The following TMEM163 variants were observed in gnomAD, a reference collection of about 807,000 sequenced individuals.
TMEM163 encodes the protein transmembrane protein 163.
TMEM163 carries 17 observed loss-of-function variants against 29.3 expected under a neutral mutation model. The observed-to-expected ratio is 0.58, with a 90% CI of 0.40 to 0.87. The LOEUF is 0.87. Ranked by LOEUF, TMEM163 falls within the 40% of genes least tolerant of loss-of-function variation. The pLI is 0.00. For missense variants in TMEM163, 303 were observed against 381.5 expected (o/e 0.79, Z 1.71); for synonymous variants, 157 against 160.6 (o/e 0.98, Z 0.17).
At chr2:134,524,123 C>T (rs1680243344) in intron 4 of TMEM163, among the ~76,000 whole-genome samples, 2 of 152,132 alleles carry the variant, frequency 1.3e-5, no homozygotes, top group African/African-American at 4.8e-5. Context: ...CAGGACCTTC[C>T]CCAGACTTCC....
chr2:134,510,749 G>T lies in TMEM163; in HGVS notation c.459-7752C>A, dbSNP rs191564093. On this transcript the variant is annotated intron_variant, in intron 4 of 7. Coordinates refer to ENST00000281924, the MANE Select transcript of TMEM163 (RefSeq NM_030923.5). ...TCTGTTTGGGGCTTGCCAAGCTTAA[G>T]GAAGGTCTGGACAGTGAGATACACT... 3.1e-4 allele frequency among the ~76,000 whole-genome samples: 47 copies of T among 152,302 alleles called. 1 individual carries two copies. The East Asian group carries it at 8.5e-3, about 28-fold the overall frequency.
At chr2:134,577,560 A>AG (rs999485555) in intron 2 of TMEM163, among the ~76,000 whole-genome samples, 16 of 152,154 alleles carry the variant, frequency 1.1e-4, no homozygotes, top group Non-Finnish European at 2.9e-5. Flanking sequence ...GCTAGTCCAG[A>AG]GGGGCTACAG....
chr2:134,506,813 A>G (rs182945908), intron 4 of TMEM163, among the ~76,000 whole-genome samples: 23 of 152,230 alleles, frequency 1.5e-4, no homozygotes, highest in Middle Eastern at 3.4e-3. Context: ...GGCTTGGGGG[A>G]CCAGAGACGG....
intron 5 of TMEM163, among the ~76,000 whole-genome samples, chr2:134,482,566 T>A (rs568699382): frequency 2.6e-5 from 4 of 152,168 alleles, no homozygotes; most frequent in Non-Finnish European, 5.9e-5. Context: ...GCTGGCTGAA[T>A]AGTAAATGAA....
chr2:134,605,492 G>GT (rs1285441032), intron 2 of TMEM163, among the ~76,000 whole-genome samples: 26 of 152,066 alleles, frequency 1.7e-4, no homozygotes, highest in Admixed American at 1.7e-3. Flanking sequence ...GAGGTCAGGA[G>GT]TTCCACATCA....
intron 5 of TMEM163, among the ~76,000 whole-genome samples, chr2:134,491,063 A>G (rs1217864318): frequency 6.6e-6 from 1 of 152,218 alleles, no homozygotes; most frequent in Non-Finnish European, 1.5e-5. Flanking sequence ...AAAACCTTAC[A>G]GAGAGAAAGA....
At chr2:134,718,468 G>A (rs1451479720) in intron 1 of TMEM163, among the ~76,000 whole-genome samples, 1 of 152,252 alleles carries the variant, frequency 6.6e-6, no homozygotes. Flanking sequence ...TGGAGCTGGC[G>A]GAGAGGAGGG....
intron 5 of TMEM163, among the ~76,000 whole-genome samples, chr2:134,481,378 G>C (rs1403543797): frequency 2.6e-5 from 1 of 39,050 alleles, no homozygotes. Flanking sequence ...ATTGAATCAT[G>C]GGGGGGGGGG....
At position 134,673,669 on chromosome 2, in the gene TMEM163, T is replaced by C. The variant is rs903592512; in HGVS notation, c.322+39531A>G. On this transcript the variant is annotated intron_variant, in intron 2 of 7. Transcript: ENST00000281924. ...AGAGTGGAAGAAGGAGATGTGACAA[T>C]GGAAGCAGAAATTGGAGTGATGTAA... Among the ~76,000 whole-genome samples, 4 of 152,050 alleles carry C rather than the reference T, an allele frequency of 2.6e-5. 1 individual carries two copies. The highest frequency in any genetic ancestry group is 2.9e-5 in the Non-Finnish European group (2 of 68,004).
At position 134,461,158 on chromosome 2, in the gene TMEM163, G is replaced by A. The variant is rs113336615; in HGVS notation, c.668-2985C>T. On this transcript the variant is annotated intron_variant, in intron 6 of 7. Coordinates refer to ENST00000281924, the MANE Select transcript of TMEM163 (RefSeq NM_030923.5). ...TCCCCACAGTTGCAACCACAGATCC[G>A]CTCTAACACAGAAATGTTATCAGTT... is the stretch of plus-strand genomic sequence containing the variant. 1.5e-3 allele frequency among the ~76,000 whole-genome samples: 233 copies of A among 152,294 alleles called. 1 individual carries two copies. Among genetic ancestry groups the A allele is most frequent in the Admixed American group, 3.0e-3 (46 of 15,298 alleles).
At chr2:134,618,668 C>A (rs1682664092) in intron 2 of TMEM163, among the ~76,000 whole-genome samples, 1 of 151,940 alleles carries the variant, frequency 6.6e-6, no homozygotes, top group African/African-American at 2.4e-5. Context: ...AATTCAAAGT[C>A]TCTTCTAACT....
chr2:134,507,966 C>CT (rs5834419), intron 4 of TMEM163, among the ~76,000 whole-genome samples: 26,049 of 151,532 alleles, frequency 0.17, 2,484 homozygotes, highest in African/African-American at 0.26. Flanking sequence ...TTAAAGCCTC[C>CT]TTTTTTTTTC....
chr2:134,488,362 C>T (rs72853922), intron 5 of TMEM163, among the ~76,000 whole-genome samples: 1 of 152,130 alleles, frequency 6.6e-6, no homozygotes, highest in East Asian at 1.9e-4. Context: ...TAGAATAAAG[C>T]AGGCAGAAGA....
At chr2:134,456,874 TAC>T in intron 7 of TMEM163, 98 bp from the exon 8 acceptor site, 1 of 1,269,544 alleles carries the variant, frequency 7.9e-7, no homozygotes, top group Non-Finnish European at 1.1e-6. Flanking sequence ...ATAATTCACA[TAC>T]CATAAAATTC....
intron 5 of TMEM163, among the ~76,000 whole-genome samples, chr2:134,479,819 T>C (rs1259382510): frequency 6.6e-6 from 1 of 152,198 alleles, no homozygotes. Context: ...GGAGGCCTGA[T>C]GCTACCCACC....
At chr2:134,696,445 T>A (rs1479609387) in intron 2 of TMEM163, among the ~76,000 whole-genome samples, 1 of 152,214 alleles carries the variant, frequency 6.6e-6, no homozygotes, top group Non-Finnish European at 1.5e-5. Flanking sequence ...AAAAGCCTAT[T>A]GGAATTCTTA....
In TMEM163 at chr2:134,650,911, T is replaced by A. The variant is rs1254301898; in HGVS notation, c.322+62289A>T. ...TGGCTGCATTGTATTCCATGGTGTA[T>A]ATGTGCCACATTTTCTTAATCCAGT... On this transcript the variant is annotated intron_variant, in intron 2 of 7. Coordinates refer to ENST00000281924, the MANE Select transcript of TMEM163 (RefSeq NM_030923.5). 5.4e-5 allele frequency among the ~76,000 whole-genome samples: 7 copies of A among 129,578 alleles called. 1 individual carries two copies. Among genetic ancestry groups the A allele is most frequent in the African/African-American group, 1.8e-4 (5 of 28,024 alleles). The allele number at this position is 129,578 out of a possible 152,430, so 85.0% of individuals were successfully genotyped here. A position where few individuals can be genotyped will look rare whatever the true frequency, so the allele number is the denominator to read the frequency against.
chr2:134,605,180 CAAAA>C, intron 2 of TMEM163, among the ~76,000 whole-genome samples: 1 of 105,186 alleles, frequency 9.5e-6, no homozygotes, highest in Admixed American at 9.9e-5. Context: ...TGGTCTCCAG[CAAAA>C]AAAAAAAAAA....
rs539908349 is a variant in TMEM163 at position 134,649,152 on chromosome 2, T to C, written c.322+64048A>G. ...AAAGAGGCTGAAGAAAATATTCACA[T>C]GAAATACAACAAAGTATACGTATAA... On this transcript the variant is annotated intron_variant, in intron 2 of 7. Coordinates refer to ENST00000281924, the MANE Select transcript of TMEM163 (RefSeq NM_030923.5). 2.0e-5 allele frequency among the ~76,000 whole-genome samples: 3 copies of C among 152,240 alleles called. No homozygotes were observed. The South Asian group carries it at 6.2e-4, about 32-fold the overall frequency.
Sources: gnomAD v4.1 joint callset for allele counts (sites outside exome capture counted in the v4.1 genomes callset) on GRCh38, gnomAD v4.1.1 for gene constraint, MANE v1.5 for transcripts, NCBI Gene and HGNC (gene_info 2026-07-23, HGNC 2026-07-21) for gene names.